Variants in RAB27A observed in about 807,000 individuals in gnomAD.
RAB27A encodes RAB27A, member RAS oncogene family, also known as ras-related protein Rab-27A.
Under a neutral mutation model 20.8 loss-of-function variants are expected in RAB27A, and 17 were observed. That is an observed-to-expected ratio of 0.82 (90% CI 0.56 to 1.23). RAB27A has a LOEUF of 1.23. Among genes scored for constraint, RAB27A ranks in the 50% most tolerant of loss-of-function variants. RAB27A has a pLI of 0.00. For missense variants in RAB27A, 277 were observed against 266.7 expected (o/e 1.04, Z -0.27); for synonymous variants, 85 against 92.8 (o/e 0.92, Z 0.48).
chr15:55,253,934 ATAAG>A (rs1340361725), intron 2 of RAB27A, among the ~76,000 whole-genome samples: 1 of 152,232 alleles, frequency 6.6e-6, no homozygotes, highest in Non-Finnish European at 1.5e-5. Flanking sequence ...TTGATAAGTA[ATAAG>A]TAAGTCTTCA....
chr15:55,218,742 CTT>C (rs565996048), intron 6 of RAB27A, among the ~76,000 whole-genome samples: 51 of 135,760 alleles, frequency 3.8e-4, no homozygotes, highest in Non-Finnish European at 2.6e-4. Flanking sequence ...AGTTCACATT[CTT>C]TTTTTTTTTT....
rs1350212864 is a variant in RAB27A, at chr15:55,268,166, T to G, written c.-23+1999A>C. On this transcript the variant is annotated intron_variant, in intron 2 of 6. Transcript: ENST00000336787. ...CAAAACATCTTTTTTTTTTTTTTGGTATTTATAATCCAAGAACCTTGACAG... is the reference window on the plus strand; with the variant it reads ...CAAAACATCTTTTTTTTTTTTTTGGGATTTATAATCCAAGAACCTTGACAG... Among the ~76,000 whole-genome samples, 5 of 151,468 alleles carry G rather than the reference T, an allele frequency of 3.3e-5. No individual in the cohort carries two copies. The East Asian group carries it at 7.8e-4, about 24-fold the overall frequency.
At chr15:55,282,903 G>A (rs1015020359) in intron 1 of RAB27A, among the ~76,000 whole-genome samples, 2 of 143,084 alleles carry the variant, frequency 1.4e-5, no homozygotes, top group Non-Finnish European at 3.0e-5. Flanking sequence ...TCAGAATCCC[G>A]TGTGGAGACA....
intron 2 of RAB27A, among the ~76,000 whole-genome samples, chr15:55,303,759 C>T (rs1205772099): frequency 5.1e-5 from 7 of 136,456 alleles, no homozygotes; most frequent in Non-Finnish European, 1.1e-4. Context: ...CCCCTCTGCC[C>T]GGCCAGCCGC....
intron 2 of RAB27A, among the ~76,000 whole-genome samples, chr15:55,249,972 G>GT (rs888177813): frequency 3.3e-5 from 5 of 151,240 alleles, no homozygotes; most frequent in Non-Finnish European, 7.4e-5. Flanking sequence ...TTTGTTTTTT[G>GT]TTTTTTTGAG....
chr15:55,254,636 A>C (rs924169226), intron 2 of RAB27A, among the ~76,000 whole-genome samples: 1 of 152,244 alleles, frequency 6.6e-6, no homozygotes, highest in Non-Finnish European at 1.5e-5. Context: ...AAATTCTATT[A>C]CTTCTAATCT....
At chr15:55,276,654 G>T (rs1325669059) in intron 1 of RAB27A, among the ~76,000 whole-genome samples, 1 of 152,186 alleles carries the variant, frequency 6.6e-6, no homozygotes, top group African/African-American at 2.4e-5. Context: ...GGACTGGGAG[G>T]AGGGGGAAAT....
chr15:55,232,328 A>T (rs1376641475), intron 3 of RAB27A, among the ~76,000 whole-genome samples: 1 of 152,230 alleles, frequency 6.6e-6, no homozygotes, highest in African/African-American at 2.4e-5. Context: ...AACGACAAAA[A>T]TAAATAAATA....
chr15:55,301,670 G>A (rs940953543), intron 2 of RAB27A, among the ~76,000 whole-genome samples: 42 of 127,614 alleles, frequency 3.3e-4, no homozygotes, highest in East Asian at 8.7e-4. Flanking sequence ...TTTTTGAGGC[G>A]GAGTCTCACT....
intron 6 of RAB27A, among the ~76,000 whole-genome samples, chr15:55,222,804 C>G (rs1012728734): frequency 1.3e-5 from 2 of 152,204 alleles, no homozygotes; most frequent in Non-Finnish European, 2.9e-5. Flanking sequence ...CTATTTCCCT[C>G]CCCTCCCTTC....
intron 1 of RAB27A, among the ~76,000 whole-genome samples, chr15:55,279,771 T>A (rs1897965563): frequency 6.6e-6 from 1 of 152,246 alleles, no homozygotes. Flanking sequence ...TGAATAAATG[T>A]CACCTGTTTT....
chr15:55,296,000 G>A (rs1027638997), intron 2 of RAB27A, among the ~76,000 whole-genome samples: 9 of 151,014 alleles, frequency 6.0e-5, no homozygotes, highest in Admixed American at 4.0e-4. Flanking sequence ...GGTTTCAAGC[G>A]ATACTCCTGC....
At chr15:55,209,663 T>C (rs1894823210) in intron 6 of RAB27A, among the ~76,000 whole-genome samples, 1 of 151,090 alleles carries the variant, frequency 6.6e-6, no homozygotes, top group South Asian at 2.1e-4. Context: ...TTTTGGGATA[T>C]ATATATATCT....
intron 2 of RAB27A, among the ~76,000 whole-genome samples, chr15:55,309,474 G>A (rs531976639): frequency 4.6e-5 from 7 of 152,340 alleles, no homozygotes; most frequent in Admixed American, 6.5e-5. Context: ...ATGTACCAAA[G>A]GACAAGAGTG....
intron 2 of RAB27A, among the ~76,000 whole-genome samples, chr15:55,241,878 C>G (rs550626675): frequency 6.6e-6 from 1 of 151,798 alleles, no homozygotes; most frequent in East Asian, 1.9e-4. Context: ...GGAAAAAACA[C>G]TTAAAGATTT....
chr15:55,239,700 T>A (rs915900035), intron 2 of RAB27A, among the ~76,000 whole-genome samples: 1 of 152,134 alleles, frequency 6.6e-6, no homozygotes, highest in Non-Finnish European at 1.5e-5. Context: ...GGAAAACCTT[T>A]AGCAAATTTG....
chr15:55,214,370 A>G (rs1895179560), intron 6 of RAB27A, among the ~76,000 whole-genome samples: 1 of 152,200 alleles, frequency 6.6e-6, no homozygotes. Flanking sequence ...CAGGAGGTGG[A>G]GCTTGCTGTG....
chr15:55,279,472 A>C (rs1407793037), intron 1 of RAB27A, among the ~76,000 whole-genome samples: 1 of 152,214 alleles, frequency 6.6e-6, no homozygotes, highest in Non-Finnish European at 1.5e-5. Flanking sequence ...CTGGTTATAC[A>C]CAATCAAGTT....
upstream of RAB27A, among the ~76,000 whole-genome samples, chr15:55,294,088 G>C (rs1274729822): frequency 1.3e-5 from 2 of 151,514 alleles, no homozygotes; most frequent in Non-Finnish European, 2.9e-5. Context: ...AATTTAAAAA[G>C]TTCATGCTTC....
Sources: gnomAD v4.1 joint callset for allele counts (sites outside exome capture counted in the v4.1 genomes callset) on GRCh38, gnomAD v4.1.1 for gene constraint, MANE v1.5 for transcripts, NCBI Gene and HGNC (gene_info 2026-07-23, HGNC 2026-07-21) for gene names.